CD1E: variants seen among roughly 807,000 people sequenced by gnomAD.
The protein encoded by CD1E is CD1e molecule.
A neutral mutation model predicts 40.1 loss-of-function variants in CD1E; 49 were observed. The ratio of observed to expected loss-of-function variants is 1.22; its 90% confidence interval spans 0.97 to 1.55. CD1E has a LOEUF of 1.55. CD1E is among the 40% of genes most tolerant of loss of function. The probability of loss-of-function intolerance (pLI) is 0.00; values close to 1 mark genes in which losing one functional copy is unlikely to be tolerated. For missense variants in CD1E, 492 were observed against 471.3 expected (o/e 1.04, Z -0.41); for synonymous variants, 189 against 178.3 (o/e 1.06, Z -0.48).
Position 158,355,843 on chromosome 1 carries a change from G to T in CD1E, c.642G>T (p.Trp214Cys). Residue 214 changes from tryptophan to cysteine, a missense_variant, in exon 4 of 6, where the codon TGG (tryptophan) becomes TGT (cysteine). Trp to Cys is a radical substitution (Grantham distance 215, BLOSUM62 -2). Coordinates refer to ENST00000368167, the MANE Select transcript of CD1E (RefSeq NM_030893.4). Reference sequence around the variant, plus strand: ...TCTTCCTAGTGAAGCCAGAGGCCTGGCTGTCCTGTGGCCCCAGTCCTGGCC... The same window carrying T: ...TCTTCCTAGTGAAGCCAGAGGCCTGTCTGTCCTGTGGCCCCAGTCCTGGCC... ...ELKRKVKPEAWLSCGPSPGPG... is the reference protein window; with the variant it reads ...ELKRKVKPEACLSCGPSPGPG... 1 of 1,613,230 alleles carries T rather than the reference G, an allele frequency of 6.2e-7. No individual in the cohort carries two copies. The highest frequency in any genetic ancestry group is 2.2e-5 in the East Asian group (1 of 44,862).
Position 158,357,044 on chromosome 1 carries a change from GA to G in CD1E, c.*149del. On this transcript the variant is annotated 3_prime_UTR_variant, in exon 6 of 6. Transcript: ENST00000368167. ...GAATACTTTTTCCCCATCTTCCAGA[GA>G]TTTTTTTTTTCCTGCTTTGGCTACA... 1.6e-6 allele frequency: 1 copy of G among 621,894 alleles called. No individual in the cohort carries two copies. Among genetic ancestry groups the G allele is most frequent in the Non-Finnish European group, 2.7e-6 (1 of 368,752 alleles). The allele number at this position is 621,894 out of a possible 1,614,324, so 38.5% of individuals were successfully genotyped here.
intron 1 of CD1E, 101 bp from the exon 2 acceptor site, chr1:158,354,276 G>C: frequency 8.6e-7 from 1 of 1,157,644 alleles, no homozygotes; most frequent in Non-Finnish European, 1.2e-6. Context: ...GTATGTACAA[G>C]CTACCTAACT....
In CD1E at chr1:158,355,512, T is replaced by C; in HGVS notation, c.568T>C (p.Cys190Arg). 6.2e-7 allele frequency: 1 copy of C among 1,614,172 alleles called. No individual in the cohort carries two copies. The highest frequency in any genetic ancestry group is 8.5e-7 in the Non-Finnish European group (1 of 1,180,018). Residue 190 changes from cysteine to arginine, a missense_variant, in exon 3 of 6, where the codon TGC becomes CGC. Transcript: ENST00000368167. The stretch of plus-strand genomic sequence containing the variant: ...ACTGCAAAGCCTTCTTGGTCACACC[T>C]GCCCTCGATTTCTAGCGGGGCTCAT... ...EILQSLLGHT[C>R]PRFLAGLMEA... is the part of the protein sequence containing the mutation.
chr1:158,353,923 G>A lies in CD1E; in HGVS notation c.-66G>A. On this transcript the variant is annotated 5_prime_UTR_variant, in exon 1 of 6. Coordinates refer to ENST00000368167, the MANE Select transcript of CD1E (RefSeq NM_030893.4). Reference sequence around the variant, plus strand: ...GAGAGTGCAAGAGGGTGTGGAGAGGGGTACTGATATCTGAATTATTAGGGC... The same window carrying A: ...GAGAGTGCAAGAGGGTGTGGAGAGGAGTACTGATATCTGAATTATTAGGGC... 1 of 1,255,322 alleles carries A rather than the reference G, an allele frequency of 8.0e-7. No homozygotes were observed. Among genetic ancestry groups the A allele is most frequent in the Non-Finnish European group, 1.2e-6 (1 of 854,368 alleles). 77.8% of individuals were successfully genotyped at this position (1,255,322 alleles called of 1,614,324 possible). A position where few individuals can be genotyped will look rare whatever the true frequency, so the allele number is the denominator to read the frequency against.
rs1571210499 is a variant in CD1E, at chr1:158,354,099, G to A, written c.58+53G>A. On this transcript the variant is annotated intron_variant, in intron 1 of 5. Coordinates refer to ENST00000368167, the MANE Select transcript of CD1E (RefSeq NM_030893.4). ...CTATGGTAGGGCACCAGAGGGCTGA[G>A]AGGAAGCTCTGGGGAGGTCCTGGGG... 3.3e-6 allele frequency: 5 copies of A among 1,498,038 alleles called. No individual in the cohort carries two copies. The East Asian group carries it at 1.1e-4, about 34-fold the overall frequency. 92.8% of individuals were successfully genotyped at this position (1,498,038 alleles called of 1,614,324 possible).
intron 1 of CD1E, 25 bp downstream of exon 1, chr1:158,354,071 T>C: frequency 6.2e-7 from 1 of 1,603,444 alleles, no homozygotes; most frequent in Non-Finnish European, 8.5e-7. Flanking sequence ...GGTGGAAAGA[T>C]ACCTATGGTA....
At chr1:158,355,771 C>A in intron 3 of CD1E, 56 bp from the exon 4 acceptor site, 1 of 1,537,078 alleles carries the variant, frequency 6.5e-7, no homozygotes, top group South Asian at 1.2e-5. Flanking sequence ...AGTCTCTGAG[C>A]TCTGGCCTGG....
At position 158,357,300 on chromosome 1, in the gene CD1E, C is replaced by A. The variant is rs1445659269; in HGVS notation, c.*404C>A. 1.2e-5 allele frequency: 2 copies of A among 162,420 alleles called. No individual in the cohort carries two copies. The highest frequency in any genetic ancestry group is 2.4e-5 in the African/African-American group (1 of 41,360). The allele number at this position is 162,420 out of a possible 1,614,324, so 10.1% of individuals were successfully genotyped here. ...TAGGTATTTGTGTCTGTATTCATGA[C>A]CAAAAATCTTATCTGAATTCAGGGC... On this transcript the variant is annotated 3_prime_UTR_variant, in exon 6 of 6. Coordinates refer to ENST00000368167, the MANE Select transcript of CD1E (RefSeq NM_030893.4).
At chr1:158,354,124 G>A (rs1313456235) in intron 1 of CD1E, 78 bp downstream of exon 1, 2 of 1,279,560 alleles carry the variant, frequency 1.6e-6, no homozygotes, top group Non-Finnish European at 2.3e-6. Flanking sequence ...AGGTCCTGGG[G>A]GAAGGGAGCA....
chr1:158,357,045 A>G lies in CD1E; in HGVS notation c.*149A>G, dbSNP rs1432464396. On this transcript the variant is annotated 3_prime_UTR_variant, in exon 6 of 6. Coordinates refer to ENST00000368167, the MANE Select transcript of CD1E (RefSeq NM_030893.4). ...AATACTTTTTCCCCATCTTCCAGAG[A>G]TTTTTTTTTTCCTGCTTTGGCTACA... 14 of 585,596 alleles carry G rather than the reference A, an allele frequency of 2.4e-5. No individual in the cohort carries two copies. In the East Asian group the frequency reaches 4.2e-4, roughly 18 times the overall value. The allele number at this position is 585,596 out of a possible 1,614,324, so 36.3% of individuals were successfully genotyped here.
In CD1E at chr1:158,355,973, G is replaced by A. The variant is rs753423663; in HGVS notation, c.772G>A (p.Asp258Asn). 6.2e-7 allele frequency: 1 copy of A among 1,614,006 alleles called. No homozygotes were observed. Among genetic ancestry groups the A allele is most frequent in the African/African-American group, 1.3e-5 (1 of 74,898 alleles). Residue 258 changes from aspartate to asparagine, a missense_variant, in exon 4 of 6, where the codon GAC becomes AAC. Coordinates refer to ENST00000368167, the MANE Select transcript of CD1E (RefSeq NM_030893.4). Reference protein sequence around the residue: ...EQEQRGTQRGDVLPNADETWY... With the variant: ...EQEQRGTQRGNVLPNADETWY... ...GGAGCAGCGGGGCACTCAGCGAGGGGACGTCCTGCCTAATGCTGACGAGAC... is the reference window on the plus strand; with the variant it reads ...GGAGCAGCGGGGCACTCAGCGAGGGAACGTCCTGCCTAATGCTGACGAGAC...
At chr1:158,356,224 A>G (rs1332701486) in intron 4 of CD1E, 119 bp downstream of exon 4, 2 of 1,185,416 alleles carry the variant, frequency 1.7e-6, no homozygotes, top group Admixed American at 2.6e-5. Context: ...TGGGACAATC[A>G]AAATAAAGAA....
rs1253188460 is a variant in CD1E at position 158,355,971 on chromosome 1, G to C, written c.770G>C (p.Gly257Ala). 6.8e-6 allele frequency: 11 copies of C among 1,613,984 alleles called. No homozygotes were observed. Among genetic ancestry groups the C allele is most frequent in the Non-Finnish European group, 7.6e-6 (9 of 1,180,036 alleles). ...CAGGAGCAGCGGGGCACTCAGCGAGGGGACGTCCTGCCTAATGCTGACGAG... is the reference window on the plus strand; with the variant it reads ...CAGGAGCAGCGGGGCACTCAGCGAGCGGACGTCCTGCCTAATGCTGACGAG... ...GEQEQRGTQR[G>A]DVLPNADETW... Residue 257 changes from glycine (G) to alanine (A), a missense_variant, in exon 4 of 6, where the codon GGG (glycine) becomes GCG (alanine). Coordinates refer to ENST00000368167, the MANE Select transcript of CD1E (RefSeq NM_030893.4).
Position 158,356,084 on chromosome 1 carries a change from C to G in CD1E, c.883C>G (p.His295Asp), listed in dbSNP as rs995047931. The G allele has an allele frequency of 6.2e-7, 1 of 1,613,732 alleles. No homozygotes were observed. The highest frequency in any genetic ancestry group is 8.5e-7 in the Non-Finnish European group (1 of 1,179,804). Residue 295 changes from histidine (H) to aspartate (D), a missense_variant, in exon 4 of 6, where the codon CAT becomes GAT. His to Asp is a moderately conservative substitution (Grantham distance 81). Transcript: ENST00000368167. ...GGTGAAACACAGCAGTCTAGGGGGC[C>G]ATGATCTAATCATCCATTGGGGTGA... ...CRVKHSSLGG[H>D]DLIIHWGGYS... is the part of the protein sequence containing the mutation.
chr1:158,356,667 T>TG, intron 5 of CD1E, 61 bp from the exon 6 acceptor site: 1 of 1,573,886 alleles, frequency 6.4e-7, no homozygotes, highest in Non-Finnish European at 8.6e-7. Context: ...CTTTTTTTTT[T>TG]TCTCTGCCTT....
At chr1:158,354,100 A>G in intron 1 of CD1E, 54 bp downstream of exon 1, 1 of 1,494,052 alleles carries the variant, frequency 6.7e-7, no homozygotes, top group South Asian at 1.1e-5. Context: ...GAGGGCTGAG[A>G]GGAAGCTCTG....
chr1:158,357,486 A>G lies in CD1E; in HGVS notation c.*590A>G, dbSNP rs904953629. Reference sequence around the variant, plus strand: ...TTTTCACTGACCCCACAAATTATATAGCTGATTCAGTGTGAATGTAATATT... The same window carrying G: ...TTTTCACTGACCCCACAAATTATATGGCTGATTCAGTGTGAATGTAATATT... On this transcript the variant is annotated 3_prime_UTR_variant, in exon 6 of 6. Transcript: ENST00000368167. 3.3e-5 allele frequency: 5 copies of G among 152,274 alleles called. No homozygotes were observed. Among genetic ancestry groups the G allele is most frequent in the Admixed American group, 3.3e-4 (5 of 15,316 alleles). The allele number at this position is 152,274 out of a possible 1,614,324, so 9.4% of individuals were successfully genotyped here. A position where few individuals can be genotyped will look rare whatever the true frequency, so the allele number is the denominator to read the frequency against.
rs772904722 is a variant in CD1E at position 158,355,380 on chromosome 1, G to T, written c.436G>T (p.Asp146Tyr). The change falls in exon 3 of 6, where the codon GAT becomes TAT. Residue 146 changes from aspartate to tyrosine, a missense_variant. By Grantham distance (160) the Asp-to-Tyr change is radical. Transcript: ENST00000368167. ...CTTAAATATGGCATATCAAGGGTCA[G>T]ATTTCCTGAGTTTCCAAGGAATTTC... The part of the protein sequence containing the change: ...IFLNMAYQGS[D>Y]FLSFQGISWE... 1 of 1,614,120 alleles carries T rather than the reference G, an allele frequency of 6.2e-7. No individual in the cohort carries two copies. The highest frequency in any genetic ancestry group is 1.7e-5 in the Admixed American group (1 of 60,028).
At chr1:158,356,418 C>T in intron 4 of CD1E, 80 bp from the exon 5 acceptor site, 2 of 1,166,718 alleles carry the variant, frequency 1.7e-6, no homozygotes, top group Non-Finnish European at 2.5e-6. Context: ...TAGGAAGGTC[C>T]CACCCTTGTG....
Sources: allele counts gnomAD v4.1 joint callset, GRCh38; gene constraint gnomAD v4.1.1; transcripts MANE v1.5; gene names NCBI Gene and HGNC (gene_info 2026-07-23, HGNC 2026-07-21).